The following BRDT variants were observed in gnomAD, a reference collection of about 807,000 sequenced individuals.
BRDT encodes the protein bromodomain testis-specific protein.
BRDT carries 77 observed loss-of-function variants against 113.9 expected under a neutral mutation model. That is an observed-to-expected ratio of 0.68 (90% CI 0.56 to 0.82). BRDT has a LOEUF of 0.82. BRDT is among the 40% of genes least tolerant of loss of function. The pLI, the probability that BRDT is intolerant of heterozygous loss-of-function variation, is 0.00. For missense variants in BRDT, 1,027 were observed against 1,105.4 expected, an observed-to-expected ratio of 0.93 and a Z score of 1.01; for synonymous variants, 358 against 366.5, an observed-to-expected ratio of 0.98 and a Z score of 0.26.
At chr1:91,977,760 T>C (rs957569328) in intron 6 of BRDT, among the ~76,000 whole-genome samples, 7 of 150,112 alleles carry the variant, frequency 4.7e-5, no homozygotes, top group Admixed American at 2.7e-4. Flanking sequence ...TTCCAGCTAC[T>C]CCAGAGGCTG....
intron 15 of BRDT, among the ~76,000 whole-genome samples, chr1:91,999,217 A>G (rs963309644): frequency 2.6e-5 from 4 of 152,300 alleles, no homozygotes; most frequent in African/African-American, 9.6e-5. Flanking sequence ...ATATGAAAAC[A>G]TGCTGGGTTA....
intron 1 of BRDT, among the ~76,000 whole-genome samples, chr1:91,953,069 T>C (rs1201540985): frequency 6.6e-6 from 1 of 152,052 alleles, no homozygotes; most frequent in African/African-American, 2.4e-5. Context: ...ATCATTTACA[T>C]TAGATATTTC....
chr1:92,008,500 G>A (rs926079022), intron 18 of BRDT, among the ~76,000 whole-genome samples: 5 of 152,064 alleles, frequency 3.3e-5, no homozygotes, highest in Middle Eastern at 3.4e-3. Flanking sequence ...ATACATCATT[G>A]TCAGCCTTAG....
rs773140500 is a variant in BRDT, at chr1:92,014,201, T to C, written c.2776-5T>C. 1 of 1,579,602 alleles carries C rather than the reference T, an allele frequency of 6.3e-7. No homozygotes were observed. The highest frequency in any genetic ancestry group is 1.9e-5 in the Admixed American group (1 of 52,314). On this transcript the variant is annotated splice_region_variant and splice_polypyrimidine_tract_variant and intron_variant, in intron 18 of 18. Coordinates refer to ENST00000399546, the MANE Select transcript of BRDT (RefSeq NM_207189.4). Reference sequence around the variant, plus strand: ...TAATATTAAAATTTTCTGCTTTTTCTACAGATGGTGGGTACCATTGATATG... The same window carrying C: ...TAATATTAAAATTTTCTGCTTTTTCCACAGATGGTGGGTACCATTGATATG...
intron 18 of BRDT, among the ~76,000 whole-genome samples, chr1:92,007,904 C>T (rs540101450): frequency 6.7e-6 from 1 of 150,034 alleles, no homozygotes; most frequent in South Asian, 2.1e-4. Context: ...TTTATTCATT[C>T]ATTCATTCAT....
At chr1:91,957,791 C>T (rs1681952458) in intron 1 of BRDT, among the ~76,000 whole-genome samples, 1 of 152,148 alleles carries the variant, frequency 6.6e-6, no homozygotes, top group African/African-American at 2.4e-5. Flanking sequence ...AAACCCCTAG[C>T]AACTGCTGAT....
rs368453097 is a variant in BRDT at position 91,964,092 on chromosome 1, G to A, written c.193-535G>A. On this transcript the variant is annotated intron_variant, in intron 2 of 18. Transcript: ENST00000399546. Reference sequence around the variant, plus strand: ...GTTGTGTTTTTTGAGACAGAGTCTCGCTCTGTCCCCCAGGCTGGAGTGCAG... The same window carrying A: ...GTTGTGTTTTTTGAGACAGAGTCTCACTCTGTCCCCCAGGCTGGAGTGCAG... Among the ~76,000 whole-genome samples the A allele has an allele frequency of 9.1e-4, 138 of 151,956 alleles. 1 individual carries two copies. Among genetic ancestry groups the A allele is most frequent in the African/African-American group, 3.2e-3 (131 of 41,458 alleles).
At chr1:92,000,196 C>A (rs186756119) in intron 15 of BRDT, among the ~76,000 whole-genome samples, 49 of 152,296 alleles carry the variant, frequency 3.2e-4, no homozygotes, top group Non-Finnish European at 1.9e-4. Flanking sequence ...AGATTTTAAT[C>A]CTTCCTCTTT....
At chr1:92,014,100 TTC>T in intron 18 of BRDT, 104 bp from the exon 19 acceptor site, 1 of 704,358 alleles carries the variant, frequency 1.4e-6, no homozygotes, top group Non-Finnish European at 2.3e-6. Context: ...TTGAATAGTT[TTC>T]TTTTGTATGA....
intron 1 of BRDT, among the ~76,000 whole-genome samples, chr1:91,959,283 A>AG (rs1234387025): frequency 2.6e-5 from 4 of 152,120 alleles, no homozygotes; most frequent in African/African-American, 4.8e-5. Flanking sequence ...TTTGTGGATG[A>AG]GGGAGGTTAC....
At chr1:91,954,324 G>A (rs186206350) in intron 1 of BRDT, among the ~76,000 whole-genome samples, 257 of 140,732 alleles carry the variant, frequency 1.8e-3, no homozygotes, top group Middle Eastern at 0.015. Context: ...CTGTCACCTA[G>A]GCTGGAGTGC....
intron 14 of BRDT, among the ~76,000 whole-genome samples, chr1:91,993,428 T>C (rs1203405507): frequency 1.3e-5 from 2 of 152,112 alleles, no homozygotes; most frequent in East Asian, 1.9e-4. Flanking sequence ...TTCTAGAAAA[T>C]GTAAGTAGAG....
intron 4 of BRDT, 122 bp downstream of exon 4, chr1:91,968,382 T>C: frequency 7.4e-7 from 1 of 1,354,104 alleles, no homozygotes; most frequent in Non-Finnish European, 9.8e-7. Flanking sequence ...ATTCTATTAA[T>C]AAAAAATGTC....
At chr1:91,991,146 T>G (rs1357038152) in intron 12 of BRDT, 38 bp from the exon 13 acceptor site, 8 of 1,276,166 alleles carry the variant, frequency 6.3e-6, no homozygotes, top group Non-Finnish European at 8.7e-6. Context: ...TTTTTTAAGC[T>G]AATAAATATT....
chr1:91,987,844 G>T (rs919753756), intron 12 of BRDT, among the ~76,000 whole-genome samples: 30 of 151,554 alleles, frequency 2.0e-4, no homozygotes, highest in African/African-American at 7.0e-4. Context: ...TTAGTTCTAT[G>T]GGTTTTTTTT....
At position 91,968,265 on chromosome 1, in the gene BRDT, G is replaced by A. The variant is rs995446450; in HGVS notation, c.445+5G>A. 1.2e-6 allele frequency: 2 copies of A among 1,613,728 alleles called. No individual in the cohort carries two copies. The highest frequency in any genetic ancestry group is 1.7e-5 in the Admixed American group (1 of 59,992). On this transcript the variant is annotated splice_donor_5th_base_variant and intron_variant, in intron 4 of 18. Transcript: ENST00000399546. ...TTAAGGAAAGAATCAAGAAAGGTAA[G>A]GCAGGAGGTAAACACTTTATGGTTC...
intron 15 of BRDT, among the ~76,000 whole-genome samples, chr1:92,000,213 C>T (rs1463680106): frequency 1.3e-5 from 2 of 152,196 alleles, no homozygotes; most frequent in African/African-American, 2.4e-5. Flanking sequence ...CTTTAATTGT[C>T]AATAATGGCA....
chr1:91,988,590 G>A (rs370651116), intron 12 of BRDT, among the ~76,000 whole-genome samples: 2 of 151,982 alleles, frequency 1.3e-5, no homozygotes, highest in East Asian at 3.9e-4. Context: ...TGGTAGGCGG[G>A]GGGTTTCACC....
At chr1:91,980,167 G>T (rs948252609) in intron 8 of BRDT, among the ~76,000 whole-genome samples, 25 of 152,274 alleles carry the variant, frequency 1.6e-4, no homozygotes, top group African/African-American at 6.0e-4. Flanking sequence ...AACACTTTGG[G>T]AGTCCAAGGT....
Sources: gnomAD v4.1 joint callset for allele counts (sites outside exome capture counted in the v4.1 genomes callset) on GRCh38, gnomAD v4.1.1 for gene constraint, MANE v1.5 for transcripts, NCBI Gene and HGNC (gene_info 2026-07-23, HGNC 2026-07-21) for gene names.